The following FHOD3 variants were observed in gnomAD, a reference collection of about 807,000 sequenced individuals.
The protein encoded by FHOD3 is FH1/FH2 domain-containing protein 3.
Under a neutral mutation model 173.0 loss-of-function variants are expected in FHOD3, and 90 were observed. That is an observed-to-expected ratio of 0.52 (90% CI 0.44 to 0.62). FHOD3 has a LOEUF of 0.62. FHOD3 is among the 20% of genes least tolerant of loss of function. The pLI is 0.00. For synonymous variants in FHOD3, 828 were observed against 823.0 expected (o/e 1.01, Z -0.10); for missense variants, 1,945 against 2,034.7 (o/e 0.96, Z 0.85).
At chr18:36,662,723 A>T (rs7233201) in intron 14 of FHOD3, among the ~76,000 whole-genome samples, 12,334 of 150,656 alleles carry the variant, frequency 0.082, 1,002 homozygotes, top group East Asian at 0.24. Context: ...AAGAATACTT[A>T]ACATGAGATC....
intron 1 of FHOD3, among the ~76,000 whole-genome samples, chr18:36,322,633 C>T (rs2044457122): frequency 6.6e-6 from 1 of 152,114 alleles, no homozygotes. Context: ...CTGCTCATCA[C>T]CTGCACCTGG....
At chr18:36,470,258 T>C (rs2053203606) in intron 3 of FHOD3, among the ~76,000 whole-genome samples, 1 of 152,228 alleles carries the variant, frequency 6.6e-6, no homozygotes, top group African/African-American at 2.4e-5. Flanking sequence ...TGCCCAATGC[T>C]GAATAGATGC....
intron 4 of FHOD3, among the ~76,000 whole-genome samples, chr18:36,510,838 G>A (rs186792446): frequency 1.2e-3 from 186 of 152,218 alleles, no homozygotes; most frequent in African/African-American, 4.3e-3. Flanking sequence ...TAACACAGCT[G>A]TCTTTCATTA....
chr18:36,481,230 T>G (rs8182443), intron 3 of FHOD3, among the ~76,000 whole-genome samples: 26,348 of 151,844 alleles, frequency 0.17, 2,699 homozygotes, highest in East Asian at 0.34. Flanking sequence ...TCTCTTTTCT[T>G]AGTAAATTGC....
intron 6 of FHOD3, among the ~76,000 whole-genome samples, chr18:36,590,252 C>T (rs1384077553): frequency 2.0e-5 from 3 of 152,166 alleles, no homozygotes; most frequent in Non-Finnish European, 2.9e-5. Flanking sequence ...ATGGGATGAG[C>T]AGTGTCTTTG....
At chr18:36,712,513 G>A (rs2040224905) in intron 18 of FHOD3, among the ~76,000 whole-genome samples, 1 of 151,704 alleles carries the variant, frequency 6.6e-6, no homozygotes. Flanking sequence ...GTAGATTGGA[G>A]ACAACAAAAG....
intron 3 of FHOD3, among the ~76,000 whole-genome samples, chr18:36,433,959 G>C (rs1399174662): frequency 6.6e-6 from 1 of 152,150 alleles, no homozygotes; most frequent in Non-Finnish European, 1.5e-5. Context: ...ACATGCTCAT[G>C]TTTTCAAAAA....
At chr18:36,388,294 C>T (rs1357376578) in intron 3 of FHOD3, among the ~76,000 whole-genome samples, 9 of 152,132 alleles carry the variant, frequency 5.9e-5, no homozygotes, top group African/African-American at 2.2e-4. Context: ...CGGGAGCCCC[C>T]ACTGGTCTCC....
intron 2 of FHOD3, among the ~76,000 whole-genome samples, chr18:36,359,737 TG>T (rs1338559780): frequency 6.6e-6 from 1 of 152,196 alleles, no homozygotes; most frequent in Non-Finnish European, 1.5e-5. Context: ...TGTTTGACCC[TG>T]GGGATGTAAC....
intron 3 of FHOD3, among the ~76,000 whole-genome samples, chr18:36,410,573 AT>A (rs1449138727): frequency 2.0e-5 from 3 of 152,152 alleles, no homozygotes; most frequent in Non-Finnish European, 4.4e-5. Context: ...CTGCCACATG[AT>A]TTTCCAAAGC....
chr18:36,505,512 C>G (rs960488201), intron 4 of FHOD3, among the ~76,000 whole-genome samples: 1 of 152,100 alleles, frequency 6.6e-6, no homozygotes, highest in Non-Finnish European at 1.5e-5. Flanking sequence ...TGAACACATG[C>G]CACTTAATGG....
intron 17 of FHOD3, among the ~76,000 whole-genome samples, chr18:36,702,805 T>G (rs1307245044): frequency 1.3e-5 from 2 of 152,186 alleles, no homozygotes; most frequent in Non-Finnish European, 2.9e-5. Context: ...TCCTGCCCAC[T>G]GTGTGTGTGT....
chr18:36,621,234 G>A (rs1399196953), intron 9 of FHOD3, among the ~76,000 whole-genome samples: 1 of 152,190 alleles, frequency 6.6e-6, no homozygotes, highest in Non-Finnish European at 1.5e-5. Context: ...GCTGAAGACT[G>A]TAGAGGATGA....
intron 3 of FHOD3, among the ~76,000 whole-genome samples, chr18:36,427,386 C>T (rs922011384): frequency 5.3e-5 from 8 of 151,936 alleles, no homozygotes; most frequent in African/African-American, 1.9e-4. Context: ...CTCTCATCAC[C>T]TCTCAGGCCA....
chr18:36,661,122 GAA>G (rs954658957), intron 14 of FHOD3, among the ~76,000 whole-genome samples: 4 of 144,460 alleles, frequency 2.8e-5, no homozygotes, highest in African/African-American at 1.0e-4. Context: ...GTAAGTGGGG[GAA>G]AAAAAAAAAG....
At chr18:36,385,399 T>C (rs2047981388) in intron 3 of FHOD3, among the ~76,000 whole-genome samples, 1 of 152,144 alleles carries the variant, frequency 6.6e-6, no homozygotes, top group Non-Finnish European at 1.5e-5. Context: ...TATCCTGTTT[T>C]GTTTTGTTTT....
chr18:36,303,500 C>T (rs2092009744), intron 1 of FHOD3, among the ~76,000 whole-genome samples: 1 of 152,120 alleles, frequency 6.6e-6, no homozygotes, highest in African/African-American at 2.4e-5. Flanking sequence ...ACCTGAGTCC[C>T]TCTGGAAAAC....
At chr18:36,340,646 C>CT (rs71381567) in intron 1 of FHOD3, among the ~76,000 whole-genome samples, 5 of 142,126 alleles carry the variant, frequency 3.5e-5, no homozygotes, top group African/African-American at 1.1e-4. Context: ...CTTTTTTTTT[C>CT]TTTTTTTTCA....
intron 3 of FHOD3, among the ~76,000 whole-genome samples, chr18:36,493,868 A>T (rs950972771): frequency 6.6e-5 from 10 of 152,178 alleles, no homozygotes; most frequent in Non-Finnish European, 1.2e-4. Context: ...GGCTCTGGGG[A>T]CGTGGTCCAG....
Sources: gnomAD v4.1 joint callset for allele counts (sites outside exome capture counted in the v4.1 genomes callset) on GRCh38, gnomAD v4.1.1 for gene constraint, MANE v1.5 for transcripts, NCBI Gene and HGNC (gene_info 2026-07-23, HGNC 2026-07-21) for gene names.